Variants in VAV3 observed in about 807,000 individuals in gnomAD.
VAV3 encodes the protein guanine nucleotide exchange factor VAV3.
Under a neutral mutation model 131.2 loss-of-function variants are expected in VAV3, and 94 were observed. That is an observed-to-expected ratio of 0.72 (90% CI 0.61 to 0.85). VAV3 has a LOEUF of 0.85. Among genes scored for constraint, VAV3 ranks in the 40% least tolerant of loss-of-function variants. VAV3 has a pLI of 0.00. For missense variants in VAV3, 939 were observed against 1,002.7 expected, an observed-to-expected ratio of 0.94 and a Z score of 0.86; for synonymous variants, 349 against 342.0, an observed-to-expected ratio of 1.02 and a Z score of -0.22.
At chr1:107,722,799 C>T (rs1661577984) in intron 15 of VAV3, among the ~76,000 whole-genome samples, 1 of 149,618 alleles carries the variant, frequency 6.7e-6, no homozygotes, top group African/African-American at 2.5e-5. Flanking sequence ...TAGATACCCT[C>T]GAATCTGGAA....
At chr1:107,705,671 G>T (rs1007047510) in intron 15 of VAV3, among the ~76,000 whole-genome samples, 2 of 151,862 alleles carry the variant, frequency 1.3e-5, no homozygotes, top group Non-Finnish European at 2.9e-5. Flanking sequence ...AAGTTATTTT[G>T]CACACCACAA....
Position 107,584,981 on chromosome 1 carries a change from C to T in VAV3, c.2351-10783G>A, listed in dbSNP as rs569766128. 3.9e-5 allele frequency among the ~76,000 whole-genome samples: 6 copies of T among 152,264 alleles called. No homozygotes were observed. In the South Asian group the frequency reaches 1.2e-3, roughly 32 times the overall value. On this transcript the variant is annotated intron_variant, in intron 25 of 26. Coordinates refer to ENST00000370056, the MANE Select transcript of VAV3 (RefSeq NM_006113.5). ...TCATAGGAGATATAATGAATAGGTA[C>T]AGCCTCTGACATCACAGGAGCTTAG... is the stretch of plus-strand genomic sequence containing the variant.
chr1:107,730,404 T>TA (rs1250147156), intron 15 of VAV3, among the ~76,000 whole-genome samples: 1 of 152,202 alleles, frequency 6.6e-6, no homozygotes, highest in East Asian at 1.9e-4. Context: ...CCTTTACTTC[T>TA]AAAAGCAGAA....
chr1:107,963,773 G>A (rs60811690), intron 1 of VAV3, among the ~76,000 whole-genome samples: 6,590 of 152,206 alleles, frequency 0.043, 351 homozygotes, highest in African/African-American at 0.13. Context: ...CATTCTGAAA[G>A]AGAAAGAGGC....
chr1:107,840,765 A>G (rs942403155), intron 2 of VAV3, among the ~76,000 whole-genome samples: 2 of 152,220 alleles, frequency 1.3e-5, no homozygotes, highest in Non-Finnish European at 2.9e-5. Context: ...CACTGAAAGC[A>G]TTTTAAAAAT....
At chr1:107,787,626 A>G (rs142233633) in intron 2 of VAV3, among the ~76,000 whole-genome samples, 1 of 152,350 alleles carries the variant, frequency 6.6e-6, no homozygotes, top group Non-Finnish European at 1.5e-5. Flanking sequence ...TCTCATCATC[A>G]CATCGTACTC....
intron 2 of VAV3, among the ~76,000 whole-genome samples, chr1:107,793,589 C>T (rs1666403610): frequency 6.6e-6 from 1 of 152,108 alleles, no homozygotes; most frequent in Admixed American, 6.5e-5. Flanking sequence ...ACAATGCAAG[C>T]AAACACTTGG....
intron 2 of VAV3, among the ~76,000 whole-genome samples, chr1:107,866,822 CAAAAA>C (rs66866060): frequency 0.29 from 16,530 of 57,728 alleles, 546 homozygotes; most frequent in Middle Eastern, 0.41. Context: ...GACTCCATCT[CAAAAA>C]AAAAAAAAAA....
chr1:107,877,390 C>T (rs1670556195), intron 1 of VAV3, among the ~76,000 whole-genome samples: 1 of 152,104 alleles, frequency 6.6e-6, no homozygotes, highest in Non-Finnish European at 1.5e-5. Flanking sequence ...TTGCACACAC[C>T]ACGCTCTGAA....
chr1:107,603,245 T>TA, intron 22 of VAV3, 82 bp from the exon 23 acceptor site: 1 of 993,954 alleles, frequency 1.0e-6, no homozygotes. Context: ...TCTCAATATT[T>TA]AATTTAGTGG....
chr1:107,963,048 C>T (rs1034468090), intron 1 of VAV3, among the ~76,000 whole-genome samples: 7 of 152,110 alleles, frequency 4.6e-5, no homozygotes, highest in African/African-American at 1.7e-4. Flanking sequence ...AAGAGTGAAA[C>T]ACATTCAAAA....
chr1:107,880,687 T>G (rs1670725082), intron 1 of VAV3, among the ~76,000 whole-genome samples: 1 of 151,476 alleles, frequency 6.6e-6, no homozygotes, highest in South Asian at 2.1e-4. Flanking sequence ...TCCCAGTTAC[T>G]GGGGAGGCTG....
chr1:107,847,013 T>A (rs749328580), intron 2 of VAV3, among the ~76,000 whole-genome samples: 28 of 152,096 alleles, frequency 1.8e-4, no homozygotes, highest in Non-Finnish European at 3.7e-4. Context: ...ATTGACCACA[T>A]AATTGGAAGT....
chr1:107,632,831 C>T (rs1278038452), intron 20 of VAV3, among the ~76,000 whole-genome samples: 3 of 152,162 alleles, frequency 2.0e-5, no homozygotes, highest in South Asian at 2.1e-4. Context: ...TTACTTGTTT[C>T]TAATCATTAC....
At chr1:107,959,785 C>T (rs1571196397) in intron 1 of VAV3, among the ~76,000 whole-genome samples, 1 of 152,134 alleles carries the variant, frequency 6.6e-6, no homozygotes, top group South Asian at 2.1e-4. Flanking sequence ...ACTTGCTCGG[C>T]GTACCCATCT....
chr1:107,584,829 A>G (rs1371252526), intron 25 of VAV3, among the ~76,000 whole-genome samples: 1 of 152,212 alleles, frequency 6.6e-6, no homozygotes, highest in Non-Finnish European at 1.5e-5. Context: ...TGCTATGGAA[A>G]ACTGCCTAGG....
chr1:107,841,892 T>C (rs555698288), intron 2 of VAV3, among the ~76,000 whole-genome samples: 2 of 152,270 alleles, frequency 1.3e-5, no homozygotes, highest in Admixed American at 6.5e-5. Context: ...TTGGGGTGCG[T>C]TGGGTTAAAT....
chr1:107,881,236 G>C (rs1670764094), intron 1 of VAV3, among the ~76,000 whole-genome samples: 1 of 152,328 alleles, frequency 6.6e-6, no homozygotes, highest in Non-Finnish European at 1.5e-5. Flanking sequence ...TTTAGACTAG[G>C]ATAGTAGAAG....
rs543366528 is a variant in VAV3, at chr1:107,686,534, G to C, written c.1731+1847C>G. On this transcript the variant is annotated intron_variant, in intron 18 of 26. Transcript: ENST00000370056. Reference sequence around the variant, plus strand: ...TGAACACACCTGGTATAGGGTGAGAGCTGCTTCTTAATATTAGTTTGCTGT... The same window carrying C: ...TGAACACACCTGGTATAGGGTGAGACCTGCTTCTTAATATTAGTTTGCTGT... Among the ~76,000 whole-genome samples the C allele has an allele frequency of 2.1e-4, 32 of 152,300 alleles. 1 individual carries two copies. The highest frequency in any genetic ancestry group is 7.7e-4 in the African/African-American group (32 of 41,570).
Sources: gnomAD v4.1 joint callset for allele counts (sites outside exome capture counted in the v4.1 genomes callset) on GRCh38, gnomAD v4.1.1 for gene constraint, MANE v1.5 for transcripts, NCBI Gene and HGNC (gene_info 2026-07-23, HGNC 2026-07-21) for gene names.